LCK: variants seen among roughly 807,000 people sequenced by gnomAD.
LCK encodes the protein LCK proto-oncogene, Src family tyrosine kinase.
A neutral mutation model predicts 64.6 loss-of-function variants in LCK; 14 were observed. That is an observed-to-expected ratio of 0.22 (90% CI 0.14 to 0.34). The LOEUF (loss-of-function observed/expected upper bound fraction) is 0.34, where lower values mean the gene tolerates loss of function less well. Ranked by LOEUF, LCK falls within the 10% of genes least tolerant of loss-of-function variation. The pLI, the probability that LCK is intolerant of heterozygous loss-of-function variation, is 1.00. For synonymous variants in LCK, 277 were observed against 263.6 expected, an observed-to-expected ratio of 1.05 and a Z score of -0.49; for missense variants, 434 against 668.1, an observed-to-expected ratio of 0.65 and a Z score of 3.86.
chr1:32,277,948 G>C (rs1459825308), intron 9 of LCK, among the ~76,000 whole-genome samples: 2 of 152,152 alleles, frequency 1.3e-5, no homozygotes, highest in Non-Finnish European at 2.9e-5. Flanking sequence ...GGCCAAGGTG[G>C]GTGGATCACT....
intron 1 of LCK, among the ~76,000 whole-genome samples, chr1:32,263,657 A>C (rs1413870723): frequency 1.3e-5 from 2 of 151,750 alleles, no homozygotes; most frequent in Admixed American, 6.6e-5. Flanking sequence ...CAGGTTAGTA[A>C]TCCCAGCACT....
Position 32,276,983 on chromosome 1 carries a change from G to A in LCK, c.964+197G>A, listed in dbSNP as rs1256194529. On this transcript the variant is annotated intron_variant, in intron 9 of 12. Transcript: ENST00000336890. This position sits in a 1 kb window ranked among gnomAD's most constrained non-coding sequence, Gnocchi z 4.6. ...ATCCCAGCACTTTGGGAGCCGAGGC[G>A]GGCAGATCACGAGGTCAGGAGTTCG... The A allele has an allele frequency of 6.6e-6, 3 of 456,980 alleles. No homozygotes were observed. Among genetic ancestry groups the A allele is most frequent in the African/African-American group, 2.0e-5 (1 of 49,586 alleles). 28.3% of individuals were successfully genotyped at this position (456,980 alleles called of 1,614,324 possible).
At chr1:32,252,073 A>G (rs1009462174) in intron 1 of LCK, among the ~76,000 whole-genome samples, 34 of 152,160 alleles carry the variant, frequency 2.2e-4, no homozygotes, top group African/African-American at 7.7e-4. Flanking sequence ...TCCAGGGTGG[A>G]TGGACATATC....
chr1:32,276,072 G>T lies in LCK; in HGVS notation c.631+9G>T. ...GGTCCGCCATTACACCAGTGAGCCC[G>T]ACGGGACCCCTCCCCCGTGCCCTAT... On this transcript the variant is annotated intron_variant, in intron 7 of 12. Coordinates refer to ENST00000336890, the MANE Select transcript of LCK (RefSeq NM_005356.5). The surrounding 1 kb of genome is among the most constrained non-coding windows in gnomAD (Gnocchi z 4.6). The T allele has an allele frequency of 1.2e-6, 2 of 1,613,702 alleles. No homozygotes were observed. Among genetic ancestry groups the T allele is most frequent in the South Asian group, 2.2e-5 (2 of 91,054 alleles).
chr1:32,270,948 C>T (rs560940086), intron 1 of LCK, among the ~76,000 whole-genome samples: 5 of 150,848 alleles, frequency 3.3e-5, no homozygotes, highest in Non-Finnish European at 7.4e-5. Flanking sequence ...GTGACCCACC[C>T]GCCTTGGCCT....
At chr1:32,263,392 CAAAATAAAT>C (rs887740773) in intron 1 of LCK, among the ~76,000 whole-genome samples, 11 of 145,120 alleles carry the variant, frequency 7.6e-5, no homozygotes, top group African/African-American at 2.6e-4. Context: ...GACTCCGTCT[CAAAATAAAT>C]AAAATAAATA....
rs745794507 is a variant in LCK, at chr1:32,275,288, A to G, written c.279-33A>G. On this transcript the variant is annotated intron_variant, in intron 4 of 12. Coordinates refer to ENST00000336890, the MANE Select transcript of LCK (RefSeq NM_005356.5). This position sits in a 1 kb window ranked among gnomAD's most constrained non-coding sequence, Gnocchi z 6.9. ...AGGGAGGGTCTCAGGTCGACGGCTGAGCGAGCCACACTGACCCACCTCCGT... is the reference window on the plus strand; with the variant it reads ...AGGGAGGGTCTCAGGTCGACGGCTGGGCGAGCCACACTGACCCACCTCCGT... 24 of 1,607,430 alleles carry G rather than the reference A, an allele frequency of 1.5e-5. No homozygotes were observed. Among genetic ancestry groups the G allele is most frequent in the Middle Eastern group, 3.3e-4 (2 of 6,002 alleles).
intron 1 of LCK, among the ~76,000 whole-genome samples, chr1:32,254,603 C>T (rs1373111013): frequency 6.6e-6 from 1 of 152,214 alleles, no homozygotes; most frequent in Non-Finnish European, 1.5e-5. Flanking sequence ...ACCTCCGTCT[C>T]CCTGGTTCAA....
In LCK at chr1:32,285,751, C is replaced by A. The variant is rs759741245; in HGVS notation, c.*35C>A. 3 of 1,553,322 alleles carry A rather than the reference C, an allele frequency of 1.9e-6. No homozygotes were observed. The highest frequency in any genetic ancestry group is 4.8e-5 in the East Asian group (2 of 41,318). On this transcript the variant is annotated 3_prime_UTR_variant, in exon 13 of 13. Transcript: ENST00000336890. ...AGAGGCCCTGGGGTTCTCCCCCTTT[C>A]TCTCCAGCCTGACTTGGGGAGATGG...
At chr1:32,264,842 C>G (rs1639870237) in intron 1 of LCK, among the ~76,000 whole-genome samples, 1 of 152,108 alleles carries the variant, frequency 6.6e-6, no homozygotes, top group South Asian at 2.1e-4. Flanking sequence ...AATCGATCCT[C>G]TCTCCTCAGC....
chr1:32,261,719 C>T (rs555696203), intron 1 of LCK, among the ~76,000 whole-genome samples: 6 of 149,516 alleles, frequency 4.0e-5, no homozygotes, highest in South Asian at 2.1e-4. Flanking sequence ...CTTTGGAGGC[C>T]GAGGTGGGCA....
In LCK at chr1:32,268,484, T is replaced by G. The variant is rs544193274; in HGVS notation, c.-5-5841T>G. On this transcript the variant is annotated intron_variant, in intron 1 of 12. Coordinates refer to ENST00000336890, the MANE Select transcript of LCK (RefSeq NM_005356.5). ...TGCACCACCATGCCCAGCTAGTTTT[T>G]ATAATAATAATAATAATAAGAGGCT... 2.6e-5 allele frequency among the ~76,000 whole-genome samples: 4 copies of G among 151,124 alleles called. No homozygotes were observed. In the East Asian group the frequency reaches 7.8e-4, roughly 29 times the overall value.
Position 32,275,128 on chromosome 1 carries a change from G to T in LCK, c.278+45G>T, listed in dbSNP as rs780574086. 6.4e-7 allele frequency: 1 copy of T among 1,556,816 alleles called. No homozygotes were observed. The highest frequency in any genetic ancestry group is 8.8e-7 in the Non-Finnish European group (1 of 1,136,642). On this transcript the variant is annotated intron_variant, in intron 4 of 12. Transcript: ENST00000336890. This position sits in a 1 kb window ranked among gnomAD's most constrained non-coding sequence, Gnocchi z 6.9. ...GCTCTGGCGGAGTCCGTGAGGGAGC[G>T]GCGATCTCCGCGACCCGCAGCCCTC...
At chr1:32,281,836 G>A (rs1026532036) in intron 12 of LCK, among the ~76,000 whole-genome samples, 2 of 152,022 alleles carry the variant, frequency 1.3e-5, no homozygotes, top group African/African-American at 4.8e-5. Flanking sequence ...AGGCCGAGGC[G>A]GGTGGATCAC....
At chr1:32,255,747 G>A (rs185931508) in intron 1 of LCK, among the ~76,000 whole-genome samples, 1 of 151,754 alleles carries the variant, frequency 6.6e-6, no homozygotes, top group African/African-American at 2.4e-5. Flanking sequence ...GCTTACTTCT[G>A]CATCCTCAGC....
In LCK at chr1:32,276,926, C is replaced by T. The variant is rs1640295557; in HGVS notation, c.964+140C>T. On this transcript the variant is annotated intron_variant, in intron 9 of 12. Transcript: ENST00000336890. The surrounding 1 kb of genome is among the most constrained non-coding windows in gnomAD (Gnocchi z 4.6). ...AGCTTTCCTGCCCCCTGGAGACTCA[C>T]CTCCAGCCGGGCGCGGTGGCTCAGG... The T allele has an allele frequency of 1.1e-6, 1 of 901,750 alleles. No homozygotes were observed. Among genetic ancestry groups the T allele is most frequent in the Non-Finnish European group, 1.6e-6 (1 of 633,624 alleles). 55.9% of individuals were successfully genotyped at this position (901,750 alleles called of 1,614,324 possible). A position where few individuals can be genotyped will look rare whatever the true frequency, so the allele number is the denominator to read the frequency against.
chr1:32,251,396 G>A lies in LCK; in HGVS notation c.-6+25G>A, dbSNP rs544442554. 3.1e-4 allele frequency: 48 copies of A among 153,934 alleles called. No individual in the cohort carries two copies. Among genetic ancestry groups the A allele is most frequent in the Non-Finnish European group, 5.8e-4 (40 of 69,316 alleles). The allele number at this position is 153,934 out of a possible 1,614,324, so 9.5% of individuals were successfully genotyped here. A position where few individuals can be genotyped will look rare whatever the true frequency, so the allele number is the denominator to read the frequency against. On this transcript the variant is annotated intron_variant, in intron 1 of 12. Coordinates refer to ENST00000336890, the MANE Select transcript of LCK (RefSeq NM_005356.5). This position sits in a 1 kb window ranked among gnomAD's most constrained non-coding sequence, Gnocchi z 4.0. The stretch of plus-strand genomic sequence containing the variant: ...GGTAAGGAGCGCTGGTATTGGGGGC[G>A]CAGGCGCCGGGGTGAGAGGCCTGAT...
intron 9 of LCK, chr1:32,277,259 G>C (rs1056993288): frequency 6.9e-6 from 1 of 145,954 alleles, no homozygotes; most frequent in Non-Finnish European, 1.5e-5. Context: ...ATGAGAAAAA[G>C]GTGTATCCTC....
At chr1:32,271,719 C>T (rs1185843086) in intron 1 of LCK, among the ~76,000 whole-genome samples, 1 of 152,154 alleles carries the variant, frequency 6.6e-6, no homozygotes, top group Admixed American at 6.6e-5. Context: ...TTTCTAAGAC[C>T]TTTGCAGATG....
Sources: allele counts gnomAD v4.1 joint callset (sites outside exome capture counted in the v4.1 genomes callset), GRCh38; gene constraint gnomAD v4.1.1; non-coding constraint Gnocchi (gnomAD v3.1); transcripts MANE v1.5; gene names NCBI Gene and HGNC (gene_info 2026-07-23, HGNC 2026-07-21).